C1orf162: variants seen among roughly 807,000 people sequenced by gnomAD.
C1orf162 encodes chromosome 1 open reading frame 162, also known as transmembrane protein C1orf162.
C1orf162 carries 10 observed loss-of-function variants against 11.4 expected under a neutral mutation model. That is an observed-to-expected ratio of 0.88 (90% CI 0.54 to 1.48). The LOEUF is 1.48. Ranked by LOEUF, C1orf162 falls within the 40% of genes most tolerant of loss-of-function variation. The pLI is 0.00. For synonymous variants in C1orf162, 53 were observed against 55.0 expected (o/e 0.96, Z 0.16); for missense variants, 140 against 149.5 (o/e 0.94, Z 0.33).
intron 3 of C1orf162, 28 bp downstream of exon 3, chr1:111,476,895 A>G: frequency 6.2e-7 from 1 of 1,605,470 alleles, no homozygotes; most frequent in East Asian, 2.2e-5. Context: ...TATCTGTTTC[A>G]TCTTGTACCA....
In C1orf162 at chr1:111,477,375, T is replaced by G. The variant is rs773428074; in HGVS notation, c.149T>G (p.Leu50Arg). 6.2e-7 allele frequency: 1 copy of G among 1,614,162 alleles called. No individual in the cohort carries two copies. Among genetic ancestry groups the G allele is most frequent in the Non-Finnish European group, 8.5e-7 (1 of 1,180,004 alleles). Residue 50 changes from leucine to arginine, a missense_variant, in exon 4 of 6, where the codon CTG (leucine) becomes CGG (arginine). Physicochemically the swap from Leu to Arg is moderately radical, Grantham distance 102. Transcript: ENST00000369718. ...LILAFCAGVL[L>R]TLLLIAFIFL... ...CTTGCCTTTTGTGCTGGGGTTCTACTGACACTGCTGCTGATAGCCTTTATC... is the reference window on the plus strand; with the variant it reads ...CTTGCCTTTTGTGCTGGGGTTCTACGGACACTGCTGCTGATAGCCTTTATC...
At position 111,476,748 on chromosome 1, in the gene C1orf162, G is replaced by A. The variant is rs750190651; in HGVS notation, c.38-50G>A. The A allele has an allele frequency of 2.3e-5, 37 of 1,583,606 alleles. No individual in the cohort carries two copies. The South Asian group carries it at 3.6e-4, about 16-fold the overall frequency. ...ACCTGGGGAAACTTAAGCTGGAAGG[G>A]TATCATGAAAAGTGACAGATACACT... On this transcript the variant is annotated intron_variant, in intron 2 of 5. Transcript: ENST00000369718.
chr1:111,475,688 C>T, intron 1 of C1orf162: 1 of 226,596 alleles, frequency 4.4e-6, no homozygotes, highest in Admixed American at 5.0e-5. Context: ...CTGATTGCAC[C>T]AACATGTACC....
intron 1 of C1orf162, chr1:111,475,108 A>G (rs1385006415): frequency 6.6e-6 from 1 of 152,168 alleles, no homozygotes; most frequent in African/African-American, 2.4e-5. Context: ...AAACAATTCT[A>G]TCAGTAAGTG....
chr1:111,477,726 A>C lies in C1orf162; in HGVS notation c.203A>C (p.Tyr68Ser). ...IFLIIKSYRKYHSKPQAPDPH... is the reference protein window; with the variant it reads ...IFLIIKSYRKSHSKPQAPDPH... ...CCTCTTCTTTCTGGCACCATGGCAG[A>C]TCACTCCAAGCCCCAGGCCCCAGAT... The change falls in exon 5 of 6, where the codon TAT (tyrosine) becomes TCT (serine). Residue 68 changes from tyrosine (Y) to serine (S), a missense_variant and splice_region_variant. By Grantham distance (144) the Tyr-to-Ser change is moderately radical (BLOSUM62 -2). Transcript: ENST00000369718. 1.9e-6 allele frequency: 3 copies of C among 1,613,876 alleles called. No individual in the cohort carries two copies. Among genetic ancestry groups the C allele is most frequent in the Non-Finnish European group, 2.5e-6 (3 of 1,179,936 alleles).
intron 1 of C1orf162, chr1:111,474,476 T>C (rs1046299823): frequency 6.6e-6 from 1 of 152,244 alleles, no homozygotes; most frequent in Non-Finnish European, 1.5e-5. Flanking sequence ...CAGAAACCTA[T>C]GATCCTATCT....
intron 2 of C1orf162, among the ~76,000 whole-genome samples, 155 bp from the exon 3 acceptor site, chr1:111,476,643 T>C (rs1277079974): frequency 1.3e-5 from 2 of 152,192 alleles, no homozygotes; most frequent in Non-Finnish European, 2.9e-5. Flanking sequence ...ACTTGGAATC[T>C]AAAAAACAAT....
chr1:111,475,065 C>A (rs182096998), intron 1 of C1orf162: 1 of 151,408 alleles, frequency 6.6e-6, no homozygotes, highest in East Asian at 1.9e-4. Context: ...ACAAAAATAT[C>A]TCTTTCATTG....
chr1:111,475,786 G>A (rs1653967409), intron 1 of C1orf162: 1 of 479,684 alleles, frequency 2.1e-6, no homozygotes. Flanking sequence ...TTGGTGCCCT[G>A]ATAAGATCAA....
rs1654047590 is a variant in C1orf162 at position 111,477,746 on chromosome 1, C to T, written c.223C>T (p.Pro75Ser). 1 of 1,614,064 alleles carries T rather than the reference C, an allele frequency of 6.2e-7. No homozygotes were observed. Among genetic ancestry groups the T allele is most frequent in the Non-Finnish European group, 8.5e-7 (1 of 1,180,004 alleles). Residue 75 changes from proline (P) to serine (S), a missense_variant, in exon 5 of 6, where the codon CCA (proline) becomes TCA (serine). By Grantham distance (74) the Pro-to-Ser change is moderately conservative. Transcript: ENST00000369718. ...GGCAGATCACTCCAAGCCCCAGGCCCCAGATCCTCACTCAGATCCTCCAGC... is the reference window on the plus strand; with the variant it reads ...GGCAGATCACTCCAAGCCCCAGGCCTCAGATCCTCACTCAGATCCTCCAGC... ...YRKYHSKPQA[P>S]DPHSDPPAKL...
intron 1 of C1orf162, chr1:111,475,809 G>A: frequency 2.0e-6 from 1 of 498,772 alleles, no homozygotes; most frequent in Non-Finnish European, 3.7e-6. Flanking sequence ...TTCTGGACCT[G>A]CAAACCTGAA....
rs1654018219 is a variant in C1orf162 at position 111,477,131 on chromosome 1, G to C, written c.108-203G>C. On this transcript the variant is annotated intron_variant, in intron 3 of 5. Transcript: ENST00000369718. ...AACATTGTGTGGGTTGAGGGAGGGG[G>C]AGAGGAAGAGGCCACAGCTTCCTCT... is the stretch of plus-strand genomic sequence containing the variant. The C allele has an allele frequency of 4.7e-6, 3 of 636,012 alleles. No homozygotes were observed. The African/African-American group carries it at 5.5e-5, about 12-fold the overall frequency. 39.4% of individuals were successfully genotyped at this position (636,012 alleles called of 1,614,324 possible).
chr1:111,475,953 A>G, intron 1 of C1orf162, 65 bp from the exon 2 acceptor site: 1 of 1,303,042 alleles, frequency 7.7e-7, no homozygotes, highest in Non-Finnish European at 1.1e-6. Flanking sequence ...TCACAGTCTC[A>G]GAGCTGGCCC....
chr1:111,476,020 G>A lies in C1orf162; in HGVS notation c.-9G>A, dbSNP rs1202834144. The stretch of plus-strand genomic sequence containing the variant: ...GAGATACCTTGTTTTATTCTCAGGG[G>A]ATGACAGCATGGGAGGCAATGGCTC... On this transcript the variant is annotated splice_region_variant and 5_prime_UTR_variant, in exon 2 of 6. Coordinates refer to ENST00000369718, the MANE Select transcript of C1orf162 (RefSeq NM_001300834.2). 3.7e-6 allele frequency: 6 copies of A among 1,613,110 alleles called. No individual in the cohort carries two copies. Among genetic ancestry groups the A allele is most frequent in the Admixed American group, 1.7e-5 (1 of 60,014 alleles).
chr1:111,475,958 T>A (rs1170784972), intron 1 of C1orf162, 60 bp from the exon 2 acceptor site: 2 of 1,340,826 alleles, frequency 1.5e-6, no homozygotes, highest in East Asian at 2.3e-5. Flanking sequence ...GTCTCAGAGC[T>A]GGCCCTTAAG....
At chr1:111,476,658 T>G (rs1355323836) in intron 2 of C1orf162, 140 bp from the exon 3 acceptor site, 1 of 768,958 alleles carries the variant, frequency 1.3e-6, no homozygotes, top group Non-Finnish European at 2.3e-6. Context: ...AACAATGTTC[T>G]CTCATTTTTG....
At chr1:111,477,815 C>G in intron 5 of C1orf162, 40 bp downstream of exon 5, 1 of 1,611,390 alleles carries the variant, frequency 6.2e-7, no homozygotes, top group Non-Finnish European at 8.5e-7. Flanking sequence ...TGAAGGGCTA[C>G]CGTCATTGGA....
chr1:111,476,941 G>C (rs1338383508), intron 3 of C1orf162, 74 bp downstream of exon 3: 16 of 1,513,210 alleles, frequency 1.1e-5, no homozygotes, highest in Admixed American at 1.7e-5. Context: ...GCCTCGGCTT[G>C]GGGATTTGGG....
At chr1:111,475,997 G>T in intron 1 of C1orf162, 21 bp from the exon 2 acceptor site, 1 of 1,607,510 alleles carries the variant, frequency 6.2e-7, no homozygotes, top group Non-Finnish European at 8.5e-7. Context: ...CTTTCTAAGA[G>T]ATACCTTGTT....
Sources: gnomAD v4.1 joint callset for allele counts (sites outside exome capture counted in the v4.1 genomes callset) on GRCh38, gnomAD v4.1.1 for gene constraint, MANE v1.5 for transcripts, NCBI Gene and HGNC (gene_info 2026-07-23, HGNC 2026-07-21) for gene names.